TRAF7: variants seen among roughly 807,000 people sequenced by gnomAD.
TRAF7 encodes the protein E3 ubiquitin-protein ligase TRAF7.
Under a neutral mutation model 89.3 loss-of-function variants are expected in TRAF7, and 45 were observed. The ratio of observed to expected loss-of-function variants is 0.50; its 90% CI spans 0.40 to 0.65. The LOEUF is 0.65. Ranked by LOEUF, TRAF7 falls within the 30% of genes least tolerant of loss-of-function variation. TRAF7 has a pLI of 0.00. For missense variants in TRAF7, 677 were observed against 918.1 expected, an observed-to-expected ratio of 0.74 and a Z score of 3.39; for synonymous variants, 406 against 369.2, an observed-to-expected ratio of 1.10 and a Z score of -1.14.
Position 2,176,770 on chromosome 16 carries a change from C to T in TRAF7, c.*196C>T. ...ACTCGGCACTGTCCTTGCTGCCCAG[C>T]CCCTCTCTGGGTGCCAGGTACGACG... is the stretch of plus-strand genomic sequence containing the variant. On this transcript the variant is annotated 3_prime_UTR_variant, in exon 21 of 21. Transcript: ENST00000326181. The T allele has an allele frequency of 6.4e-6, 5 of 781,376 alleles. No homozygotes were observed. Among genetic ancestry groups the T allele is most frequent in the Non-Finnish European group, 1.0e-5 (5 of 478,576 alleles). 48.4% of individuals were successfully genotyped at this position (781,376 alleles called of 1,614,324 possible).
At chr16:2,166,856 C>A (rs748729406) in intron 3 of TRAF7, among the ~76,000 whole-genome samples, 2 of 152,244 alleles carry the variant, frequency 1.3e-5, no homozygotes, top group Non-Finnish European at 2.9e-5. Flanking sequence ...AGTGGCAGTG[C>A]CTTCTTCCCG....
rs2093130928 is a variant in TRAF7, at chr16:2,175,322, C to T, written c.1408C>T (p.Gln470Ter). The change falls in exon 16 of 21, where the codon CAG (glutamine) becomes TAG (stop). Residue 470 changes from glutamine to a stop codon, truncating the protein, a stop_gained. Transcript: ENST00000326181. LOFTEE classifies it high-confidence loss of function. Reference sequence around the variant, plus strand: ...TCAGGTGTGGGACATCCAGAACCTGCAGAAGGTGAACACCATCCGGGCCCA... The same window carrying T: ...TCAGGTGTGGGACATCCAGAACCTGTAGAAGGTGAACACCATCCGGGCCCA... The part of the protein sequence containing the change: ...TIIVWDIQNL[Q>*]KVNTIRAHDN... 6.2e-7 allele frequency: 1 copy of T among 1,613,486 alleles called. No homozygotes were observed. The highest frequency in any genetic ancestry group is 8.5e-7 in the Non-Finnish European group (1 of 1,179,988).
chr16:2,167,472 G>A (rs1444955255), intron 3 of TRAF7, among the ~76,000 whole-genome samples: 1 of 152,228 alleles, frequency 6.6e-6, no homozygotes, highest in Non-Finnish European at 1.5e-5. Context: ...TGACGTGTGG[G>A]CAGGAGGAGG....
At chr16:2,172,427 C>G (rs556428097) in intron 8 of TRAF7, 38 bp from the exon 9 acceptor site, 3 of 1,610,698 alleles carry the variant, frequency 1.9e-6, no homozygotes, top group Non-Finnish European at 2.5e-6. Context: ...CTTCTCAGGG[C>G]TCTGGCTGAG....
In TRAF7 at chr16:2,171,552, C is replaced by A; in HGVS notation, c.442-20C>A. 6.2e-7 allele frequency: 1 copy of A among 1,613,232 alleles called. No individual in the cohort carries two copies. Among genetic ancestry groups the A allele is most frequent in the Non-Finnish European group, 8.5e-7 (1 of 1,179,884 alleles). ...AAGAGGACCCTGCGCCACCCTCAAG[C>A]CCGCCCTTTGCCTCCACAGCACACG... On this transcript the variant is annotated intron_variant, in intron 6 of 20. Coordinates refer to ENST00000326181, the MANE Select transcript of TRAF7 (RefSeq NM_032271.3).
rs1190901718 is a variant in TRAF7 at position 2,161,989 on chromosome 16, C to G, written c.-38-1894C>G. ...TTCCACAAGAGAAGTCCCCCGAGAGCCTAGTCTGGGTCACACAGGGCCAAG... is the reference window on the plus strand; with the variant it reads ...TTCCACAAGAGAAGTCCCCCGAGAGGCTAGTCTGGGTCACACAGGGCCAAG... On this transcript the variant is annotated intron_variant, in intron 1 of 20. Coordinates refer to ENST00000326181, the MANE Select transcript of TRAF7 (RefSeq NM_032271.3). This position sits in a 1 kb window ranked among gnomAD's most constrained non-coding sequence, Gnocchi z 5.2. Among the ~76,000 whole-genome samples the G allele has an allele frequency of 6.6e-6, 1 of 152,210 alleles. No homozygotes were observed. Among genetic ancestry groups the G allele is most frequent in the Non-Finnish European group, 1.5e-5 (1 of 68,026 alleles).
intron 6 of TRAF7, 44 bp downstream of exon 6, chr16:2,171,400 C>CCA: frequency 1.3e-6 from 2 of 1,539,166 alleles, no homozygotes; most frequent in Non-Finnish European, 8.8e-7. Context: ...CCAGAGGCCC[C>CCA]CACAGGACCC....
chr16:2,171,397 C>T (rs1266997360), intron 6 of TRAF7, 41 bp downstream of exon 6: 7 of 1,538,318 alleles, frequency 4.6e-6, no homozygotes, highest in South Asian at 3.6e-5. Context: ...CTGCCAGAGG[C>T]CCCCACAGGA....
chr16:2,160,441 TGGTGTGGACAGGCAGGC>T (rs1292826871), intron 1 of TRAF7, among the ~76,000 whole-genome samples: 7 of 134,632 alleles, frequency 5.2e-5, no homozygotes, highest in Non-Finnish European at 8.0e-5. Flanking sequence ...GACGGGCAGG[TGGTGTGGACAGGCAGGC>T]GGTGTGGATG....
rs544126899 is a variant in TRAF7, at chr16:2,174,497, G to A, written c.1346+164G>A. Among the ~76,000 whole-genome samples, 10 of 152,312 alleles carry A rather than the reference G, an allele frequency of 6.6e-5. No individual in the cohort carries two copies. In the South Asian group the frequency reaches 2.1e-3, roughly 32 times the overall value. Reference sequence around the variant, plus strand: ...AGCACTGTTTCCTGGGTAGCAGTGTGTGGGCCCTTGTGTGGCCTACACCAT... The same window carrying A: ...AGCACTGTTTCCTGGGTAGCAGTGTATGGGCCCTTGTGTGGCCTACACCAT... On this transcript the variant is annotated intron_variant, in intron 14 of 20. Coordinates refer to ENST00000326181, the MANE Select transcript of TRAF7 (RefSeq NM_032271.3).
At chr16:2,175,061 A>G (rs1596679626) in intron 14 of TRAF7, 50 bp from the exon 15 acceptor site, 2 of 1,612,634 alleles carry the variant, frequency 1.2e-6, no homozygotes, top group East Asian at 2.2e-5. Context: ...GGGCGGTGTC[A>G]GCATGGACAC....
Position 2,176,129 on chromosome 16 carries a change from G to C in TRAF7, c.1827G>C (p.Ser609=), listed in dbSNP as rs147707985. Reference sequence around the variant, plus strand: ...CCGTGTATGCCCTGGCGGTCATCTCGACGCCAGACCAGACCAAAGTCTTCA... The same window carrying C: ...CCGTGTATGCCCTGGCGGTCATCTCCACGCCAGACCAGACCAAAGTCTTCA... The part of the protein sequence containing the change: ...VGTVYALAVI[S]TPDQTKVFSA... Residue 609 remains serine, a synonymous_variant, in exon 19 of 21, where the codon TCG becomes TCC. Coordinates refer to ENST00000326181, the MANE Select transcript of TRAF7 (RefSeq NM_032271.3). The C allele has an allele frequency of 2.5e-6, 4 of 1,610,544 alleles. No individual in the cohort carries two copies. The highest frequency in any genetic ancestry group is 3.3e-5 in the Admixed American group (2 of 59,938).
chr16:2,174,391 A>G (rs1271085760), intron 14 of TRAF7, 58 bp downstream of exon 14: 2 of 1,537,658 alleles, frequency 1.3e-6, no homozygotes, highest in Non-Finnish European at 8.8e-7. Flanking sequence ...TGGCGCTGCC[A>G]CCCCGTGGGC....
chr16:2,175,488 C>T lies in TRAF7; in HGVS notation c.1504-12C>T, dbSNP rs1004104181. The stretch of plus-strand genomic sequence containing the variant: ...TTGCCCGCCCAGCCCACAGTTGCAG[C>T]AATCCCTGCAGGTCTGGGACATCGT... On this transcript the variant is annotated splice_polypyrimidine_tract_variant and intron_variant, in intron 16 of 20. Coordinates refer to ENST00000326181, the MANE Select transcript of TRAF7 (RefSeq NM_032271.3). 3 of 1,612,996 alleles carry T rather than the reference C, an allele frequency of 1.9e-6. No individual in the cohort carries two copies. The highest frequency in any genetic ancestry group is 2.5e-6 in the Non-Finnish European group (3 of 1,179,632).
intron 6 of TRAF7, 84 bp downstream of exon 6, chr16:2,171,440 CCCT>C: frequency 1.3e-6 from 2 of 1,537,766 alleles, no homozygotes; most frequent in South Asian, 1.2e-5. Context: ...GGCTGTGGCG[CCCT>C]GGCCTTGGTC....
Position 2,158,982 on chromosome 16 carries a change from G to C in TRAF7, c.-39+3124G>C, listed in dbSNP as rs1309203195. On this transcript the variant is annotated intron_variant, in intron 1 of 20. Transcript: ENST00000326181. This position sits in a 1 kb window ranked among gnomAD's most constrained non-coding sequence, Gnocchi z 4.7. ...CAGGAAGCCCTCTGGACTTCCCCTC[G>C]ACTGGGCCAGGTCCCCACACAATAG... 6.6e-6 allele frequency among the ~76,000 whole-genome samples: 1 copy of C among 152,250 alleles called. No homozygotes were observed. The highest frequency in any genetic ancestry group is 2.1e-4 in the South Asian group (1 of 4,820).
chr16:2,168,351 C>G lies in TRAF7; in HGVS notation c.231+183C>G. 1 of 572,296 alleles carries G rather than the reference C, an allele frequency of 1.7e-6. No individual in the cohort carries two copies. The highest frequency in any genetic ancestry group is 3.1e-6 in the Non-Finnish European group (1 of 326,388). 35.5% of individuals were successfully genotyped at this position (572,296 alleles called of 1,614,324 possible). A position where few individuals can be genotyped will look rare whatever the true frequency, so the allele number is the denominator to read the frequency against. ...TCTGTGAGAAAGGAGGCTCCTGTGG[C>G]TGGACTGTGGGTGGCAGGGGGCAGC... On this transcript the variant is annotated intron_variant, in intron 4 of 20. Coordinates refer to ENST00000326181, the MANE Select transcript of TRAF7 (RefSeq NM_032271.3). The surrounding 1 kb of genome is among the most constrained non-coding windows in gnomAD (Gnocchi z 4.1).
Position 2,177,854 on chromosome 16 carries a change from G to C in TRAF7, c.*1280G>C, listed in dbSNP as rs1017409648. The C allele has an allele frequency of 3.5e-6, 1 of 286,520 alleles. No homozygotes were observed. Among genetic ancestry groups the C allele is most frequent in the African/African-American group, 2.2e-5 (1 of 45,214 alleles). 17.7% of individuals were successfully genotyped at this position (286,520 alleles called of 1,614,324 possible). ...AGGAGAGAAGCACGGAGGAGCCCCCGGCAGAGCACCCGCCCCCGGGCCCCA... is the reference window on the plus strand; with the variant it reads ...AGGAGAGAAGCACGGAGGAGCCCCCCGCAGAGCACCCGCCCCCGGGCCCCA... On this transcript the variant is annotated 3_prime_UTR_variant, in exon 21 of 21. Coordinates refer to ENST00000326181, the MANE Select transcript of TRAF7 (RefSeq NM_032271.3).
intron 1 of TRAF7, among the ~76,000 whole-genome samples, chr16:2,160,616 TA>T (rs372441066): frequency 4.4e-5 from 6 of 136,710 alleles, no homozygotes; most frequent in African/African-American, 1.4e-4. Context: ...AAGGGAGGGG[TA>T]GGGGGGCTGA....
Sources: allele counts gnomAD v4.1 joint callset (sites outside exome capture counted in the v4.1 genomes callset), GRCh38; gene constraint gnomAD v4.1.1; non-coding constraint Gnocchi (gnomAD v3.1); transcripts MANE v1.5; gene names NCBI Gene and HGNC (gene_info 2026-07-23, HGNC 2026-07-21).